Variants in RALYL observed in about 807,000 individuals in gnomAD.
RALYL encodes RNA-binding Raly-like protein.
In RALYL, 29 loss-of-function variants were observed where a neutral mutation model predicts 35.1. The observed-to-expected ratio is 0.83, with a 90% CI of 0.61 to 1.13. The LOEUF (loss-of-function observed/expected upper bound fraction) is 1.13. Ranked by LOEUF, RALYL falls within the 50% of genes most tolerant of loss-of-function variation. The pLI, the probability that RALYL is intolerant of heterozygous loss-of-function variation, is 0.00. For synonymous variants in RALYL, 120 were observed against 127.6 expected, an observed-to-expected ratio of 0.94 and a Z score of 0.40; for missense variants, 359 against 360.4, an observed-to-expected ratio of 1.00 and a Z score of 0.03.
chr8:84,500,368 A>T (rs550338756), intron 1 of RALYL, among the ~76,000 whole-genome samples: 1 of 152,320 alleles, frequency 6.6e-6, no homozygotes, highest in South Asian at 2.1e-4. Context: ...ACACACACTT[A>T]TCACATATCT....
intron 3 of RALYL, among the ~76,000 whole-genome samples, chr8:84,789,304 A>G (rs1727283636): frequency 6.6e-6 from 1 of 152,246 alleles, no homozygotes; most frequent in South Asian, 2.1e-4. Flanking sequence ...TCAAGAGTGA[A>G]AAAGCATTTT....
chr8:84,644,305 A>G (rs143944824), intron 2 of RALYL, among the ~76,000 whole-genome samples: 43 of 152,234 alleles, frequency 2.8e-4, no homozygotes, highest in African/African-American at 1.0e-3. Context: ...ACAGGTAACA[A>G]AACAGGTTAA....
chr8:84,419,609 A>G (rs914278489), intron 1 of RALYL, among the ~76,000 whole-genome samples: 3 of 150,984 alleles, frequency 2.0e-5, no homozygotes, highest in African/African-American at 4.9e-5. Context: ...GGTTAGTTAC[A>G]TATGTATACA....
chr8:84,201,278 T>A (rs1816776117), intron 1 of RALYL, among the ~76,000 whole-genome samples: 2 of 152,230 alleles, frequency 1.3e-5, no homozygotes, highest in Non-Finnish European at 2.9e-5. Flanking sequence ...TGATTTAGTA[T>A]CTTTGACTAA....
chr8:84,302,868 C>G (rs1313206214), intron 1 of RALYL, among the ~76,000 whole-genome samples: 1 of 152,066 alleles, frequency 6.6e-6, no homozygotes, highest in East Asian at 1.9e-4. Flanking sequence ...TCTGCTCTGG[C>G]AGAGTAAAAT....
intron 2 of RALYL, among the ~76,000 whole-genome samples, chr8:84,571,275 A>G (rs887121569): frequency 1.6e-4 from 25 of 151,814 alleles, no homozygotes; most frequent in African/African-American, 5.5e-4. Flanking sequence ...TTTTTTTATT[A>G]TCGATTCAAT....
At chr8:84,308,544 T>C (rs1328087275) in intron 1 of RALYL, among the ~76,000 whole-genome samples, 1 of 152,174 alleles carries the variant, frequency 6.6e-6, no homozygotes, top group Non-Finnish European at 1.5e-5. Context: ...TTGAGGTCAC[T>C]TCACTTTTTA....
At position 84,288,837 on chromosome 8, in the gene RALYL, G is replaced by A. The variant is rs561904396; in HGVS notation, c.-24+104413G>A. On this transcript the variant is annotated intron_variant, in intron 1 of 8. Transcript: ENST00000521268. ...TATTTAAAAATTCTTTTTTGCTATCGTAAATAATGCATTAATGAATACAAT... is the reference window on the plus strand; with the variant it reads ...TATTTAAAAATTCTTTTTTGCTATCATAAATAATGCATTAATGAATACAAT... Among the ~76,000 whole-genome samples, 496 of 151,964 alleles carry A rather than the reference G, an allele frequency of 3.3e-3. 2 individuals carry two copies. Among genetic ancestry groups the A allele is most frequent in the Middle Eastern group, 6.8e-3 (2 of 294 alleles).
chr8:84,469,675 A>G (rs1453435604), intron 1 of RALYL, among the ~76,000 whole-genome samples: 1 of 152,154 alleles, frequency 6.6e-6, no homozygotes, highest in Non-Finnish European at 1.5e-5. Context: ...ACCCAGTTCG[A>G]GCTTCCCAGC....
intron 1 of RALYL, among the ~76,000 whole-genome samples, chr8:84,194,750 T>A (rs1177301357): frequency 6.6e-6 from 1 of 152,158 alleles, no homozygotes; most frequent in South Asian, 2.1e-4. Flanking sequence ...GACTGAGAAA[T>A]GCTTAGTCAG....
rs571917214 is a variant in RALYL at position 84,479,746 on chromosome 8, G to A, written c.-23-49553G>A. Among the ~76,000 whole-genome samples the A allele has an allele frequency of 2.6e-5, 4 of 152,232 alleles. No homozygotes were observed. The South Asian group carries it at 8.3e-4, about 32-fold the overall frequency. On this transcript the variant is annotated intron_variant, in intron 1 of 8. Coordinates refer to ENST00000521268, the MANE Select transcript of RALYL (RefSeq NM_173848.7). Reference sequence around the variant, plus strand: ...CCTTGAATCTAGTTTTCAGACATTAGAAAAGTGTATCCAAATATTCCTTAA... The same window carrying A: ...CCTTGAATCTAGTTTTCAGACATTAAAAAAGTGTATCCAAATATTCCTTAA...
intron 1 of RALYL, among the ~76,000 whole-genome samples, chr8:84,449,638 G>A (rs2049235720): frequency 6.6e-6 from 1 of 151,890 alleles, no homozygotes; most frequent in Non-Finnish European, 1.5e-5. Context: ...TGAAGCTAAG[G>A]TTCAGAGCCA....
intron 1 of RALYL, among the ~76,000 whole-genome samples, chr8:84,218,406 G>GA (rs5892906): frequency 0.033 from 5,091 of 152,026 alleles, 292 homozygotes; most frequent in African/African-American, 0.11. Context: ...TTCTTAAAAG[G>GA]AAAAATGCTG....
intron 1 of RALYL, among the ~76,000 whole-genome samples, chr8:84,383,069 G>T (rs1858360525): frequency 6.6e-6 from 1 of 151,690 alleles, no homozygotes; most frequent in Admixed American, 6.6e-5. Context: ...TTATTTTCAA[G>T]CATTTTGTTT....
intron 2 of RALYL, among the ~76,000 whole-genome samples, chr8:84,551,878 A>G (rs1465040613): frequency 1.3e-5 from 2 of 152,166 alleles, no homozygotes; most frequent in African/African-American, 4.8e-5. Flanking sequence ...GAATCATTTA[A>G]TCTTTCATTT....
At chr8:84,879,765 G>C (rs920998179) in intron 7 of RALYL, among the ~76,000 whole-genome samples, 24 of 151,824 alleles carry the variant, frequency 1.6e-4, no homozygotes, top group Admixed American at 4.6e-4. Flanking sequence ...AAATATAAGG[G>C]GGTGAAAAGA....
intron 2 of RALYL, among the ~76,000 whole-genome samples, chr8:84,545,238 G>A (rs180819747): frequency 2.6e-4 from 40 of 151,910 alleles, no homozygotes; most frequent in Non-Finnish European, 4.4e-4. Context: ...TAAAATTTCC[G>A]TAAGCAACCA....
At chr8:84,224,371 C>T (rs766675961) in intron 1 of RALYL, among the ~76,000 whole-genome samples, 4 of 152,016 alleles carry the variant, frequency 2.6e-5, no homozygotes, top group Admixed American at 6.6e-5. Flanking sequence ...ATATTTGCAC[C>T]GGTGGGAGAC....
chr8:84,796,282 C>T (rs927621440), intron 3 of RALYL, among the ~76,000 whole-genome samples: 3 of 152,236 alleles, frequency 2.0e-5, no homozygotes, highest in South Asian at 4.2e-4. Context: ...GCATCTTGGC[C>T]CAGGCCAGCC....
Sources: gnomAD v4.1 joint callset for allele counts (sites outside exome capture counted in the v4.1 genomes callset) on GRCh38, gnomAD v4.1.1 for gene constraint, MANE v1.5 for transcripts, NCBI Gene and HGNC (gene_info 2026-07-23, HGNC 2026-07-21) for gene names.